The following MTMR3 variants were observed in gnomAD, a reference collection of about 807,000 sequenced individuals.
The protein encoded by MTMR3 is myotubularin related protein 3.
Under a neutral mutation model 132.4 loss-of-function variants are expected in MTMR3, and 32 were observed. That is an observed-to-expected ratio of 0.24 (90% confidence interval 0.18 to 0.32). MTMR3 has a LOEUF of 0.32. Among genes scored for constraint, MTMR3 ranks in the 10% least tolerant of loss-of-function variants. MTMR3 has a pLI of 1.00. For missense variants in MTMR3, 1,216 were observed against 1,489.6 expected (o/e 0.82, Z 3.02); for synonymous variants, 556 against 550.3 (o/e 1.01, Z -0.14).
rs2067902306 is a variant in MTMR3, at chr22:30,025,877, G to A, written c.*76G>A. 2.0e-6 allele frequency: 3 copies of A among 1,514,694 alleles called. No individual in the cohort carries two copies. In the Admixed American group the frequency reaches 5.0e-5, roughly 25 times the overall value. The allele number at this position is 1,514,694 out of a possible 1,614,324, so 93.8% of individuals were successfully genotyped here. A position where few individuals can be genotyped will look rare whatever the true frequency, so the allele number is the denominator to read the frequency against. ...CCCACTCAACCTGGGCAGACCGAGA[G>A]GCCCGTGCACTTTGGAATGGGAGCG... is the stretch of plus-strand genomic sequence containing the variant. On this transcript the variant is annotated 3_prime_UTR_variant, in exon 20 of 20. Transcript: ENST00000401950.
chr22:29,966,546 C>T (rs1339003595), intron 2 of MTMR3, among the ~76,000 whole-genome samples: 1 of 152,104 alleles, frequency 6.6e-6, no homozygotes, highest in Non-Finnish European at 1.5e-5. Flanking sequence ...ATAGTATTAT[C>T]AAATTCTTTT....
intron 15 of MTMR3, 115 bp downstream of exon 15, chr22:30,016,813 G>A: frequency 8.2e-7 from 1 of 1,215,352 alleles, no homozygotes; most frequent in Non-Finnish European, 1.2e-6. Flanking sequence ...ACTGTCTCTG[G>A]ATGGACTGGT....
Position 30,009,048 on chromosome 22 carries a change from T to C in MTMR3, c.1040T>C (p.Met347Thr), listed in dbSNP as rs1265722571. 1 of 1,612,990 alleles carries C rather than the reference T, an allele frequency of 6.2e-7. No homozygotes were observed. The highest frequency in any genetic ancestry group is 1.1e-5 in the South Asian group (1 of 91,068). Residue 347 changes from methionine (M) to threonine (T), a missense_variant, in exon 12 of 20, where the codon ATG becomes ACG. Coordinates refer to ENST00000401950, the MANE Select transcript of MTMR3 (RefSeq NM_021090.4). ...TACCCAAACTGTGAAGTTGTGTTTATGGGGATGGCAAACATTCATTCTATT... is the reference window on the plus strand; with the variant it reads ...TACCCAAACTGTGAAGTTGTGTTTACGGGGATGGCAAACATTCATTCTATT... ...EYYPNCEVVF[M>T]GMANIHSIRR... is the part of the protein sequence containing the mutation.
At chr22:29,889,618 A>G (rs2064753116) in intron 1 of MTMR3, among the ~76,000 whole-genome samples, 2 of 151,970 alleles carry the variant, frequency 1.3e-5, no homozygotes, top group African/African-American at 4.8e-5. Context: ...TAAAAAAAAA[A>G]GTAGAGATGA....
intron 1 of MTMR3, among the ~76,000 whole-genome samples, chr22:29,917,683 A>G (rs2065335114): frequency 6.6e-6 from 1 of 152,254 alleles, no homozygotes; most frequent in African/African-American, 2.4e-5. Context: ...CACCAAAGGA[A>G]TAGTGCCAGT....
chr22:29,952,415 T>A (rs1429214984), intron 1 of MTMR3, among the ~76,000 whole-genome samples: 1 of 151,894 alleles, frequency 6.6e-6, no homozygotes, highest in Non-Finnish European at 1.5e-5. Flanking sequence ...TGTGTGTTTT[T>A]TTTTTTAAAA....
intron 12 of MTMR3, 181 bp from the exon 13 acceptor site, chr22:30,012,186 AT>A (rs1411458122): frequency 1.6e-6 from 1 of 617,736 alleles, no homozygotes; most frequent in East Asian, 2.8e-5. Flanking sequence ...TCTCTATTGT[AT>A]AGTAGGGCTT....
In MTMR3 at chr22:29,951,385, T is replaced by G. The variant is rs117656141; in HGVS notation, c.-137-5651T>G. ...GTTTAAAAGGAAAATGCTTGTAAAA[T>G]AAGTTATTTAGAAGGGTAACAATGA... On this transcript the variant is annotated intron_variant, in intron 1 of 19. Coordinates refer to ENST00000401950, the MANE Select transcript of MTMR3 (RefSeq NM_021090.4). 1.1e-3 allele frequency among the ~76,000 whole-genome samples: 168 copies of G among 152,282 alleles called. 1 individual carries two copies. Among genetic ancestry groups the G allele is most frequent in the South Asian group, 3.1e-3 (15 of 4,828 alleles).
At chr22:29,915,944 A>G (rs574342391) in intron 1 of MTMR3, among the ~76,000 whole-genome samples, 1 of 152,284 alleles carries the variant, frequency 6.6e-6, no homozygotes, top group Admixed American at 6.5e-5. Flanking sequence ...TGGCTGCTCT[A>G]TAGTAGATAC....
intron 2 of MTMR3, 135 bp from the exon 3 acceptor site, chr22:29,970,839 ACT>A (rs1197022404): frequency 4.8e-5 from 20 of 413,844 alleles, no homozygotes; most frequent in Non-Finnish European, 7.2e-5. Flanking sequence ...TTCTTGGCTG[ACT>A]CTGATCAGCT....
At chr22:29,926,709 T>G (rs954630653) in intron 1 of MTMR3, among the ~76,000 whole-genome samples, 1 of 152,202 alleles carries the variant, frequency 6.6e-6, no homozygotes, top group Non-Finnish European at 1.5e-5. Context: ...TTTATTTAGA[T>G]TCTTTGCCTA....
intron 1 of MTMR3, among the ~76,000 whole-genome samples, chr22:29,947,608 G>C (rs2065978371): frequency 6.6e-6 from 1 of 151,996 alleles, no homozygotes; most frequent in South Asian, 2.1e-4. Flanking sequence ...ATTTTTCTGA[G>C]TCATTGATTT....
intron 1 of MTMR3, among the ~76,000 whole-genome samples, chr22:29,920,882 G>A (rs1011984452): frequency 7.4e-6 from 1 of 135,352 alleles, no homozygotes; most frequent in Non-Finnish European, 1.5e-5. Context: ...ATTTCTTCAG[G>A]TTTTACTAAA....
At chr22:29,927,747 T>A (rs59955769) in intron 1 of MTMR3, among the ~76,000 whole-genome samples, 11,797 of 152,048 alleles carry the variant, frequency 0.078, 519 homozygotes, top group African/African-American at 0.092. Context: ...ATGGAGACTC[T>A]TTAAGGGAGG....
intron 1 of MTMR3, among the ~76,000 whole-genome samples, chr22:29,934,093 G>T (rs978149070): frequency 1.3e-5 from 2 of 152,134 alleles, no homozygotes; most frequent in Non-Finnish European, 2.9e-5. Context: ...GGTGGCTCAC[G>T]CCTGTAATTC....
chr22:29,913,197 A>G (rs1348652031), intron 1 of MTMR3, among the ~76,000 whole-genome samples: 2 of 152,188 alleles, frequency 1.3e-5, no homozygotes, highest in Non-Finnish European at 2.9e-5. Flanking sequence ...GCAGTGAGCC[A>G]TGATTGCACC....
chr22:29,984,279 TA>T (rs2066813642), intron 5 of MTMR3: 1 of 152,228 alleles, frequency 6.6e-6, no homozygotes, highest in Admixed American at 6.5e-5. Context: ...TGTTTGTTTT[TA>T]AAAAGGTAGG....
chr22:29,970,640 G>A lies in MTMR3; in HGVS notation c.-84-336G>A, dbSNP rs116407600. ...GGCATTAAGCCACCTTGCCTGGCCT[G>A]TAGGTTGATTTTAATTGTTGCTTTA... On this transcript the variant is annotated intron_variant, in intron 2 of 19. Coordinates refer to ENST00000401950, the MANE Select transcript of MTMR3 (RefSeq NM_021090.4). 7.3e-3 allele frequency among the ~76,000 whole-genome samples: 1,107 copies of A among 151,256 alleles called. 9 individuals are homozygous for A. Among genetic ancestry groups the A allele is most frequent in the African/African-American group, 0.025 (1,042 of 41,196 alleles).
chr22:29,950,904 G>A (rs1012088705), intron 1 of MTMR3, among the ~76,000 whole-genome samples: 2 of 138,114 alleles, frequency 1.4e-5, no homozygotes, highest in Admixed American at 7.0e-5. Context: ...TGTAATCCTA[G>A]CACGTTGGGA....
Sources: allele counts gnomAD v4.1 joint callset (sites outside exome capture counted in the v4.1 genomes callset), GRCh38; gene constraint gnomAD v4.1.1; transcripts MANE v1.5; gene names NCBI Gene and HGNC (gene_info 2026-07-23, HGNC 2026-07-21).